The following TSPAN10 variants were observed in gnomAD, a reference collection of about 807,000 sequenced individuals.
TSPAN10 encodes the protein tetraspanin 10, also known as tetraspanin-10.
TSPAN10 carries 11 observed loss-of-function variants against 15.0 expected under a neutral mutation model. The ratio of observed to expected loss-of-function variants is 0.73; its 90% CI spans 0.46 to 1.21. TSPAN10 has a LOEUF of 1.21. TSPAN10 is among the 50% of genes most tolerant of loss of function. TSPAN10 has a pLI of 0.00. For synonymous variants in TSPAN10, 241 were observed against 226.2 expected (o/e 1.07, Z -0.59); for missense variants, 486 against 470.6 (o/e 1.03, Z -0.30).
chr17:81,643,221 A>G (rs1425627364), intron 1 of TSPAN10, among the ~76,000 whole-genome samples: 4 of 149,462 alleles, frequency 2.7e-5, no homozygotes, highest in Admixed American at 2.7e-4. Flanking sequence ...GATGGTCTCG[A>G]TCTCCTGACC....
upstream of TSPAN10, among the ~76,000 whole-genome samples, chr17:81,641,568 A>G (rs536193622): frequency 3.8e-4 from 58 of 151,886 alleles, no homozygotes; most frequent in African/African-American, 1.3e-3. Context: ...CTGCTCCATC[A>G]GTACATTGCC....
At chr17:81,645,577 C>T in exon 2 of TSPAN10, 2 of 1,612,624 alleles carry the variant, frequency 1.2e-6, no homozygotes, top group South Asian at 1.1e-5. Flanking sequence ...CCAAGTCCAG[C>T]TCGGGCTGAG....
chr17:81,640,441 C>T (rs1337483869), upstream of TSPAN10, among the ~76,000 whole-genome samples: 3 of 151,978 alleles, frequency 2.0e-5, no homozygotes, highest in Non-Finnish European at 1.5e-5. Flanking sequence ...TTAGGGCCCA[C>T]GCTAATGGCA....
chr17:81,641,911 G>A (rs1189686386), upstream of TSPAN10, among the ~76,000 whole-genome samples: 2 of 149,422 alleles, frequency 1.3e-5, no homozygotes, highest in Non-Finnish European at 3.0e-5. Flanking sequence ...CTGGTGGGGG[G>A]ACGCTGTTTC....
At chr17:81,644,927 C>A in intron 1 of TSPAN10, 65 bp from the exon 3 acceptor site, 1 of 1,592,546 alleles carries the variant, frequency 6.3e-7, no homozygotes, top group Non-Finnish European at 8.5e-7. Flanking sequence ...TCTTCCCTGA[C>A]CCCTCACCAG....
upstream of TSPAN10, among the ~76,000 whole-genome samples, chr17:81,641,706 A>G (rs558343111): frequency 1.3e-5 from 2 of 152,042 alleles, no homozygotes; most frequent in African/African-American, 4.8e-5. Flanking sequence ...ACTTGAGTCC[A>G]GGGGTTCAAG....
chr17:81,646,731 C>T (rs1212966309), intron 2 of TSPAN10: 1 of 151,306 alleles, frequency 6.6e-6, no homozygotes, highest in African/African-American at 2.4e-5. Context: ...GGACATTATT[C>T]TGGAATCTGA....
intron 2 of TSPAN10, 65 bp from the exon 4 acceptor site, chr17:81,647,836 T>C: frequency 1.9e-6 from 3 of 1,541,000 alleles, no homozygotes; most frequent in Non-Finnish European, 2.6e-6. Context: ...GACATTCGCC[T>C]CTGTGCCTGG....
chr17:81,641,126 C>T (rs1247697878), upstream of TSPAN10, among the ~76,000 whole-genome samples: 1 of 151,944 alleles, frequency 6.6e-6, no homozygotes. Flanking sequence ...AATCGTGCCA[C>T]TGCATTCCAG....
At chr17:81,642,704 T>A (rs1023037359) in intron 1 of TSPAN10, among the ~76,000 whole-genome samples, 4 of 152,176 alleles carry the variant, frequency 2.6e-5, no homozygotes, top group Non-Finnish European at 5.9e-5. Context: ...GGGCAATCTT[T>A]GGCTCAGGGT....
At chr17:81,638,835 A>ATGTTATCC (rs2036148373), upstream of TSPAN10, 1 of 152,108 alleles carries the variant, frequency 6.6e-6, no homozygotes, top group African/African-American at 2.4e-5. Context: ...TTTAATAGTG[A>ATGTTATCC]TGTTATCCTG....
chr17:81,645,681 A>G, intron 2 of TSPAN10, 52 bp downstream of exon 3: 2 of 1,599,696 alleles, frequency 1.3e-6, no homozygotes, highest in Non-Finnish European at 1.7e-6. Context: ...CGCAGAGGCC[A>G]CACACCCTTG....
rs1214706195 is a variant in TSPAN10 at position 81,645,604 on chromosome 17, T to G, written c.649T>G (p.Ser217Ala). The G allele has an allele frequency of 3.1e-6, 5 of 1,612,574 alleles. No homozygotes were observed. The East Asian group carries it at 1.1e-4, about 36-fold the overall frequency. The change falls in exon 2 of 3, where the codon TCC (serine) becomes GCC (alanine). Residue 217 changes from serine (S) to alanine (A), a missense_variant. Transcript: ENST00000611590. ...CGGGCTGAGGTGCTGCGGAGCTGCC[T>G]CCTACCAGGACTGGCAGCAGAACCT... is the stretch of plus-strand genomic sequence containing the variant.
upstream of TSPAN10, chr17:81,638,030 C>T (rs373600266): frequency 6.0e-5 from 9 of 149,076 alleles, no homozygotes; most frequent in African/African-American, 2.2e-4. Flanking sequence ...TATTTCACAA[C>T]ATCACAATTA....
At chr17:81,648,488 C>T, downstream of TSPAN10, 2 of 481,682 alleles carry the variant, frequency 4.2e-6, no homozygotes, top group Non-Finnish European at 3.1e-6. Context: ...CGCAGGGCGC[C>T]CGGCGAAGCC....
rs556013617 is a variant in TSPAN10, at chr17:81,646,869, C to T, written c.675-1032C>T. Among the ~76,000 whole-genome samples, 618 of 150,150 alleles carry T rather than the reference C, an allele frequency of 4.1e-3. 1 individual carries two copies. The highest frequency in any genetic ancestry group is 4.4e-3 in the Non-Finnish European group (299 of 67,846). On this transcript the variant is annotated intron_variant, in intron 2 of 2. Coordinates refer to ENST00000611590, the Ensembl canonical transcript of TSPAN10. ...GGTTTGTTTGTTTGTTTTTTTGAGA[C>T]GGAGTCTCCCTCTCGCCCAGGCTGG...
intron 1 of TSPAN10, among the ~76,000 whole-genome samples, chr17:81,643,330 G>GGTT (rs1236153736): frequency 1.5e-4 from 6 of 38,834 alleles, no homozygotes; most frequent in African/African-American, 6.0e-4. Context: ...TTACCGGGAC[G>GGTT]GCCGGGCGCG....
chr17:81,645,585 G>T, exon 2 of TSPAN10: 1 of 1,612,734 alleles, frequency 6.2e-7, no homozygotes. Context: ...AGCTCGGGCT[G>T]AGGTGCTGCG....
upstream of TSPAN10, among the ~76,000 whole-genome samples, chr17:81,639,580 TTTC>T (rs1409453221): frequency 6.6e-6 from 1 of 151,286 alleles, no homozygotes; most frequent in East Asian, 2.0e-4. Context: ...TCTCCTTTGT[TTTC>T]TTCTTTTTTT....
Sources: gnomAD v4.1 joint callset for allele counts (sites outside exome capture counted in the v4.1 genomes callset) on GRCh38, gnomAD v4.1.1 for gene constraint, MANE v1.5 for transcripts, NCBI Gene and HGNC (gene_info 2026-07-23, HGNC 2026-07-21) for gene names.